Variants in SLC39A14 observed in about 807,000 individuals in gnomAD.
The protein encoded by SLC39A14 is solute carrier family 39 member 14.
Under a neutral mutation model 45.5 loss-of-function variants are expected in SLC39A14, and 19 were observed. That is an observed-to-expected ratio of 0.42 (90% CI 0.29 to 0.61). The LOEUF (loss-of-function observed/expected upper bound fraction) is 0.61, where lower values mean the gene tolerates loss of function less well. SLC39A14 is among the 20% of genes least tolerant of loss of function. The pLI, the probability that SLC39A14 is intolerant of heterozygous loss-of-function variation, is 0.22. For missense variants in SLC39A14, 447 were observed against 616.5 expected (o/e 0.73, Z 2.91); for synonymous variants, 264 against 251.3 (o/e 1.05, Z -0.48).
At chr8:22,371,669 G>A (rs1021664391) in intron 1 of SLC39A14, among the ~76,000 whole-genome samples, 7 of 151,388 alleles carry the variant, frequency 4.6e-5, no homozygotes, top group East Asian at 1.9e-4. Flanking sequence ...CTGACCTCGT[G>A]ATCTACCCAC....
At chr8:22,412,609 TTGTG>T (rs1835640243) in intron 4 of SLC39A14, among the ~76,000 whole-genome samples, 2 of 152,088 alleles carry the variant, frequency 1.3e-5, no homozygotes, top group African/African-American at 4.8e-5. Flanking sequence ...TCTGGCTTAG[TTGTG>T]GTGCTCAGAT....
At chr8:22,371,195 C>T (rs1832908969) in intron 1 of SLC39A14, among the ~76,000 whole-genome samples, 1 of 152,094 alleles carries the variant, frequency 6.6e-6, no homozygotes. Flanking sequence ...AAACCGAATT[C>T]TCCGCCTTGG....
chr8:22,379,737 C>T (rs1029703182), intron 1 of SLC39A14, among the ~76,000 whole-genome samples: 5 of 151,762 alleles, frequency 3.3e-5, no homozygotes, highest in African/African-American at 7.3e-5. Flanking sequence ...GAGACCATCC[C>T]GGCCAACATG....
intron 1 of SLC39A14, among the ~76,000 whole-genome samples, chr8:22,383,167 G>A (rs1054949483): frequency 1.3e-5 from 2 of 152,216 alleles, no homozygotes; most frequent in African/African-American, 4.8e-5. Context: ...CATATAGTAA[G>A]TTCCTAATAA....
intron 1 of SLC39A14, among the ~76,000 whole-genome samples, chr8:22,376,334 A>ATTTT (rs778041310): frequency 1.3e-4 from 16 of 122,424 alleles, no homozygotes; most frequent in African/African-American, 4.9e-4. Flanking sequence ...ACCACACCTA[A>ATTTT]TTTTTTTTTT....
At chr8:22,377,006 C>G (rs1833254325) in intron 1 of SLC39A14, among the ~76,000 whole-genome samples, 2 of 152,108 alleles carry the variant, frequency 1.3e-5, no homozygotes, top group Non-Finnish European at 2.9e-5. Context: ...ATTTTAGCAC[C>G]CATCTGTAGA....
Position 22,404,866 on chromosome 8 carries a change from C to T in SLC39A14, c.156C>T (p.Gly52=), listed in dbSNP as rs33999442. The change falls in exon 2 of 9, where the codon GGC becomes GGT. Residue 52 remains glycine, a synonymous_variant. Coordinates refer to ENST00000381237, the MANE Select transcript of SLC39A14 (RefSeq NM_001128431.4). ...TGCAGGATCTAATACATCGGTATGG[C>T]GAGGGTGACAGCCTCACTCTGCAGC... ...SFLQDLIHRY[G]EGDSLTLQQL... is the part of the protein sequence containing the mutation. The T allele has an allele frequency of 0.19, 299,330 of 1,613,622 alleles. 28,170 individuals carry two copies. Among genetic ancestry groups the T allele is most frequent in the Non-Finnish European group, 0.19 (226,213 of 1,179,684 alleles).
At position 22,383,679 on chromosome 8, in the gene SLC39A14, G is replaced by T. The variant is rs180935260; in HGVS notation, c.-16+16271G>T. On this transcript the variant is annotated intron_variant, in intron 1 of 8. Coordinates refer to ENST00000381237, the MANE Select transcript of SLC39A14 (RefSeq NM_001128431.4). ...CCTGCTTTCCCTACCAGGAAACAGA[G>T]ATGACAAGGCTTTGAGCCCTGGAAT... Among the ~76,000 whole-genome samples the T allele has an allele frequency of 4.8e-3, 724 of 152,284 alleles. 8 individuals are homozygous for T. Among genetic ancestry groups the T allele is most frequent in the African/African-American group, 0.017 (697 of 41,570 alleles).
chr8:22,395,226 T>C (rs947491637), intron 1 of SLC39A14, among the ~76,000 whole-genome samples: 5 of 152,156 alleles, frequency 3.3e-5, no homozygotes, highest in African/African-American at 1.2e-4. Flanking sequence ...ACCAGGTTGG[T>C]CTTGAACTCC....
chr8:22,416,327 G>A (rs765899464), intron 7 of SLC39A14, 47 bp downstream of exon 7: 1 of 1,534,062 alleles, frequency 6.5e-7, no homozygotes, highest in South Asian at 1.1e-5. Context: ...GGGTGGTGGT[G>A]TAGGCCCCCT....
rs563489169 is a variant in SLC39A14 at position 22,420,315 on chromosome 8, T to A, written c.*617T>A. 3.2e-5 allele frequency: 32 copies of A among 985,360 alleles called. No individual in the cohort carries two copies. In the Admixed American group the frequency reaches 4.9e-4, roughly 15 times the overall value. 61.0% of individuals were successfully genotyped at this position (985,360 alleles called of 1,614,324 possible). A position where few individuals can be genotyped will look rare whatever the true frequency, so the allele number is the denominator to read the frequency against. ...GGGAGAGGAAGTCGAACCACTGCTG[T>A]GTGTCTTGTCAGGATGCTCACTTGT... On this transcript the variant is annotated 3_prime_UTR_variant, in exon 9 of 9. Transcript: ENST00000381237.
intron 8 of SLC39A14, among the ~76,000 whole-genome samples, chr8:22,428,748 G>A (rs1391176025): frequency 6.6e-6 from 1 of 152,012 alleles, no homozygotes; most frequent in Non-Finnish European, 1.5e-5. Context: ...GCCAGTTCAT[G>A]TGTTCTTTTA....
At chr8:22,431,894 T>C (rs1473022334) in intron 8 of SLC39A14, among the ~76,000 whole-genome samples, 2 of 152,152 alleles carry the variant, frequency 1.3e-5, no homozygotes, top group African/African-American at 2.4e-5. Flanking sequence ...TGGAAAACAA[T>C]TGTTTGGGAA....
chr8:22,386,335 C>T (rs1392204418), intron 1 of SLC39A14, among the ~76,000 whole-genome samples: 3 of 149,202 alleles, frequency 2.0e-5, no homozygotes, highest in African/African-American at 5.0e-5. Flanking sequence ...GGCACGATCT[C>T]GGCTCACTGC....
At chr8:22,414,616 C>A (rs113891310) in intron 4 of SLC39A14, among the ~76,000 whole-genome samples, 164 bp from the exon 5 acceptor site, 3 of 152,178 alleles carry the variant, frequency 2.0e-5, no homozygotes, top group African/African-American at 7.2e-5. Context: ...CAGGGAAACA[C>A]CAAGGACTAG....
At chr8:22,433,543 T>C (rs1163705387) in intron 8 of SLC39A14, among the ~76,000 whole-genome samples, 4 of 144,956 alleles carry the variant, frequency 2.8e-5, no homozygotes, top group African/African-American at 1.0e-4. Flanking sequence ...TTTTATGCTT[T>C]TTTTTTTTTT....
At chr8:22,394,067 C>T (rs1267323067) in intron 1 of SLC39A14, among the ~76,000 whole-genome samples, 3 of 147,426 alleles carry the variant, frequency 2.0e-5, no homozygotes, top group Non-Finnish European at 4.4e-5. Context: ...AGTATAGTGG[C>T]GTGATCTTGG....
downstream of SLC39A14, among the ~76,000 whole-genome samples, chr8:22,426,296 A>G (rs1187765680): frequency 6.6e-6 from 1 of 152,124 alleles, no homozygotes; most frequent in Admixed American, 6.5e-5. Context: ...CCTGGGCTCA[A>G]GTGATTCTCC....
chr8:22,396,123 T>C (rs1245687139), intron 1 of SLC39A14, among the ~76,000 whole-genome samples: 3 of 151,776 alleles, frequency 2.0e-5, no homozygotes, highest in Non-Finnish European at 4.4e-5. Flanking sequence ...TCCCAGCACT[T>C]TGGGAGACCG....
Sources: allele counts gnomAD v4.1 joint callset (sites outside exome capture counted in the v4.1 genomes callset), GRCh38; gene constraint gnomAD v4.1.1; transcripts MANE v1.5; gene names NCBI Gene and HGNC (gene_info 2026-07-23, HGNC 2026-07-21).